The following ACVR1 variants were observed in gnomAD, a reference collection of about 807,000 sequenced individuals.
The protein encoded by ACVR1 is activin receptor type-1.
Under a neutral mutation model 57.1 loss-of-function variants are expected in ACVR1, and 38 were observed. That is an observed-to-expected ratio of 0.67 (90% CI 0.51 to 0.87). ACVR1 has a LOEUF of 0.87. Ranked by LOEUF, ACVR1 falls within the 40% of genes least tolerant of loss-of-function variation. ACVR1 has a pLI of 0.00. For synonymous variants in ACVR1, 212 were observed against 228.1 expected (o/e 0.93, Z 0.63); for missense variants, 463 against 638.2 (o/e 0.73, Z 2.96).
chr2:157,862,426 C>T lies in ACVR1; in HGVS notation c.-183+13370G>A, dbSNP rs1300459642. ...CACAGGATAAACATATACACATACA[C>T]ACACACACACACACACACACACACA... is the stretch of plus-strand genomic sequence containing the variant. On this transcript the variant is annotated intron_variant, in intron 1 of 10. Coordinates refer to ENST00000434821, the MANE Select transcript of ACVR1 (RefSeq NM_001111067.4). Among the ~76,000 whole-genome samples, 6 of 25,678 alleles carry T rather than the reference C, an allele frequency of 2.3e-4. No individual in the cohort carries two copies. In the Non-Finnish European group the frequency reaches 2.7e-3, roughly 11 times the overall value. The allele number at this position is 25,678 out of a possible 152,430, so 16.8% of individuals were successfully genotyped here.
At chr2:157,823,324 T>C (rs1355251083) in intron 1 of ACVR1, among the ~76,000 whole-genome samples, 1 of 152,176 alleles carries the variant, frequency 6.6e-6, no homozygotes, top group African/African-American at 2.4e-5. Context: ...TTCTAGGGAT[T>C]TGGAAAAACA....
At chr2:157,871,473 A>C (rs1054307532) in intron 1 of ACVR1, among the ~76,000 whole-genome samples, 3 of 152,160 alleles carry the variant, frequency 2.0e-5, no homozygotes, top group Non-Finnish European at 2.9e-5. Flanking sequence ...CCTCTTCAAA[A>C]CAACTTTCAC....
chr2:157,780,940 C>T (rs1341098870), intron 3 of ACVR1, among the ~76,000 whole-genome samples: 3 of 152,132 alleles, frequency 2.0e-5, no homozygotes, highest in Non-Finnish European at 4.4e-5. Context: ...TCTAAGATCC[C>T]AATTACTGCA....
chr2:157,742,031 A>T lies in ACVR1; in HGVS notation c.1265-3461T>A, dbSNP rs575972567. 2.6e-5 allele frequency among the ~76,000 whole-genome samples: 4 copies of T among 152,182 alleles called. No homozygotes were observed. The South Asian group carries it at 8.3e-4, about 32-fold the overall frequency. ...CCTCTGACGTTGGAGAGGTGGAGAG[A>T]AGTTCTCTGGGGCTGAAATAGGTGC... On this transcript the variant is annotated intron_variant, in intron 9 of 10. Coordinates refer to ENST00000434821, the MANE Select transcript of ACVR1 (RefSeq NM_001111067.4).
At chr2:157,776,021 C>T (rs2105274760) in intron 5 of ACVR1, among the ~76,000 whole-genome samples, 1 of 152,258 alleles carries the variant, frequency 6.6e-6, no homozygotes, top group South Asian at 2.1e-4. Flanking sequence ...CCATGCATGG[C>T]CAAGGCTTGT....
In ACVR1 at chr2:157,774,730, C is replaced by T. The variant is rs137997049; in HGVS notation, c.544-543G>A. On this transcript the variant is annotated intron_variant, in intron 5 of 10. Coordinates refer to ENST00000434821, the MANE Select transcript of ACVR1 (RefSeq NM_001111067.4). ...TCACCTAATATATGATAGGTTTTCCCGAAGGATAAGTAGTCCTTTCTTATA... is the reference window on the plus strand; with the variant it reads ...TCACCTAATATATGATAGGTTTTCCTGAAGGATAAGTAGTCCTTTCTTATA... Among the ~76,000 whole-genome samples, 793 of 152,124 alleles carry T rather than the reference C, an allele frequency of 5.2e-3. 5 individuals carry two copies. The highest frequency in any genetic ancestry group is 0.014 in the East Asian group (71 of 5,182).
chr2:157,750,474 C>A (rs1380983178), intron 9 of ACVR1, among the ~76,000 whole-genome samples: 1 of 152,092 alleles, frequency 6.6e-6, no homozygotes, highest in Non-Finnish European at 1.5e-5. Context: ...CAGCCTAAAC[C>A]AAAAAGGACT....
intron 1 of ACVR1, among the ~76,000 whole-genome samples, chr2:157,837,293 C>T (rs138116739): frequency 1.5e-4 from 23 of 152,252 alleles, no homozygotes; most frequent in Non-Finnish European, 2.8e-4. Flanking sequence ...CTTTGGAGAT[C>T]GAAGGATTTA....
intron 2 of ACVR1, among the ~76,000 whole-genome samples, chr2:157,809,499 G>A (rs183875492): frequency 1.3e-5 from 2 of 152,112 alleles, no homozygotes; most frequent in Admixed American, 6.6e-5. Flanking sequence ...TAGCATCCAA[G>A]TAACCACAAC....
intron 6 of ACVR1, among the ~76,000 whole-genome samples, chr2:157,771,345 A>C (rs1686063446): frequency 6.6e-6 from 1 of 152,216 alleles, no homozygotes; most frequent in African/African-American, 2.4e-5. Flanking sequence ...TGTTTGGTGC[A>C]TGGCCCCCTC....
At chr2:157,808,758 A>C (rs1236571476) in intron 2 of ACVR1, among the ~76,000 whole-genome samples, 2 of 152,168 alleles carry the variant, frequency 1.3e-5, no homozygotes, top group South Asian at 2.1e-4. Flanking sequence ...CTATTTGGAA[A>C]GCCATGCTTC....
chr2:157,767,143 T>C (rs1685894288), intron 7 of ACVR1, among the ~76,000 whole-genome samples: 1 of 152,138 alleles, frequency 6.6e-6, no homozygotes, highest in African/African-American at 2.4e-5. Flanking sequence ...GTGATTCTCC[T>C]GCCTCAGCCT....
intron 1 of ACVR1, among the ~76,000 whole-genome samples, chr2:157,870,168 C>T (rs76587261): frequency 0.021 from 3,232 of 152,288 alleles, 121 homozygotes; most frequent in African/African-American, 0.072. Context: ...TCAGTACCCA[C>T]GTTCCAAACT....
chr2:157,843,636 C>A (rs1459618525), intron 1 of ACVR1, among the ~76,000 whole-genome samples: 1 of 152,196 alleles, frequency 6.6e-6, no homozygotes, highest in Non-Finnish European at 1.5e-5. Context: ...ATGTCACAGT[C>A]TCTGGATTCT....
chr2:157,856,661 C>T (rs1689544862), intron 1 of ACVR1, among the ~76,000 whole-genome samples: 1 of 151,898 alleles, frequency 6.6e-6, no homozygotes, highest in Non-Finnish European at 1.5e-5. Flanking sequence ...CATGCACATA[C>T]AGAGAAGGGT....
chr2:157,802,605 A>G (rs576273153), intron 2 of ACVR1, among the ~76,000 whole-genome samples: 2 of 152,108 alleles, frequency 1.3e-5, no homozygotes, highest in South Asian at 4.1e-4. Context: ...CCCTTCTTTC[A>G]GGGCCCAACC....
chr2:157,799,558 A>G, intron 2 of ACVR1, 58 bp from the exon 3 acceptor site: 2 of 1,351,876 alleles, frequency 1.5e-6, no homozygotes, highest in South Asian at 2.3e-5. Context: ...GCAGGAAGAC[A>G]AATTAAGCAT....
chr2:157,745,650 C>T (rs1684938624), intron 9 of ACVR1, among the ~76,000 whole-genome samples: 1 of 152,128 alleles, frequency 6.6e-6, no homozygotes, highest in Non-Finnish European at 1.5e-5. Flanking sequence ...TGCCCCCAGT[C>T]ATTGTCCTAA....
intron 9 of ACVR1, among the ~76,000 whole-genome samples, chr2:157,745,709 C>T (rs1559032539): frequency 6.6e-6 from 1 of 152,052 alleles, no homozygotes; most frequent in Non-Finnish European, 1.5e-5. Context: ...AAAAAATTGG[C>T]CCTAATATGA....
Sources: allele counts gnomAD v4.1 joint callset (sites outside exome capture counted in the v4.1 genomes callset), GRCh38; gene constraint gnomAD v4.1.1; transcripts MANE v1.5; gene names NCBI Gene and HGNC (gene_info 2026-07-23, HGNC 2026-07-21).